Variants in DNAAF10 observed in about 807,000 individuals in gnomAD.
DNAAF10 encodes the protein dynein axonemal assembly factor 10.
In DNAAF10, 28 loss-of-function variants were observed where a neutral mutation model predicts 43.7. The observed-to-expected ratio is 0.64, with a 90% CI of 0.48 to 0.88. The LOEUF (loss-of-function observed/expected upper bound fraction) is 0.88. DNAAF10 is among the 40% of genes least tolerant of loss of function. The pLI is 0.00. For missense variants in DNAAF10, 403 were observed against 439.1 expected, an observed-to-expected ratio of 0.92 and a Z score of 0.73; for synonymous variants, 156 against 157.3, an observed-to-expected ratio of 0.99 and a Z score of 0.06.
chr2:68,131,824 C>T lies in DNAAF10; in HGVS notation c.867-379G>A. 4 of 212,864 alleles carry T rather than the reference C, an allele frequency of 1.9e-5. No homozygotes were observed. In the South Asian group the frequency reaches 2.8e-4, roughly 15 times the overall value. The allele number at this position is 212,864 out of a possible 1,614,324, so 13.2% of individuals were successfully genotyped here. A position where few individuals can be genotyped will look rare whatever the true frequency, so the allele number is the denominator to read the frequency against. ...TCCAGATATAGATTGCTGGATATCA[C>T]AGGCAAACAATGTGCAAAGGCAATG... On this transcript the variant is annotated intron_variant, in intron 7 of 7. Transcript: ENST00000295121.
intron 3 of DNAAF10, among the ~76,000 whole-genome samples, chr2:68,143,159 C>A (rs76804509): frequency 0.04 from 6,124 of 151,658 alleles, 455 homozygotes; most frequent in African/African-American, 0.14. Flanking sequence ...ACTGCACCCA[C>A]CAAAAGCCTG....
intron 2 of DNAAF10, among the ~76,000 whole-genome samples, chr2:68,147,193 C>T (rs563962494): frequency 6.6e-6 from 1 of 152,174 alleles, no homozygotes; most frequent in Non-Finnish European, 1.5e-5. Context: ...TTTACAAATA[C>T]ATGGCATTAA....
intron 1 of DNAAF10, among the ~76,000 whole-genome samples, chr2:68,154,447 C>T (rs903434990): frequency 6.6e-6 from 1 of 151,930 alleles, no homozygotes; most frequent in African/African-American, 2.4e-5. Context: ...GGGGTTTCAC[C>T]GTGTTAGCCA....
chr2:68,150,804 GTTAC>G (rs894168926), intron 1 of DNAAF10, among the ~76,000 whole-genome samples: 1 of 152,056 alleles, frequency 6.6e-6, no homozygotes, highest in Non-Finnish European at 1.5e-5. Context: ...AAACTGTGTG[GTTAC>G]TTGTGATGTA....
chr2:68,134,897 TG>T, intron 6 of DNAAF10, 98 bp from the exon 7 acceptor site: 1 of 1,355,888 alleles, frequency 7.4e-7, no homozygotes. Context: ...ATAATTTCAA[TG>T]GTTATAAAAG....
At chr2:68,138,064 A>G (rs892388186) in intron 5 of DNAAF10, among the ~76,000 whole-genome samples, 3 of 150,388 alleles carry the variant, frequency 2.0e-5, no homozygotes. Flanking sequence ...AGTCCCAGTT[A>G]CTCGGGAGGC....
chr2:68,144,220 T>C (rs545671570), intron 3 of DNAAF10, among the ~76,000 whole-genome samples: 10 of 152,272 alleles, frequency 6.6e-5, no homozygotes, highest in Admixed American at 6.5e-4. Context: ...CAAGTACTAA[T>C]TCTGCCTTTT....
intron 4 of DNAAF10, among the ~76,000 whole-genome samples, chr2:68,140,028 T>C (rs1434091143): frequency 6.6e-6 from 1 of 152,190 alleles, no homozygotes; most frequent in African/African-American, 2.4e-5. Flanking sequence ...CTGAAATAAG[T>C]TGTAGCACAC....
chr2:68,142,694 T>TA (rs1404927452), intron 3 of DNAAF10, among the ~76,000 whole-genome samples: 2 of 151,144 alleles, frequency 1.3e-5, no homozygotes, highest in African/African-American at 4.9e-5. Flanking sequence ...GACTACTTAC[T>TA]AAAATAGTGT....
Position 68,141,897 on chromosome 2 carries a change from CAG to C in DNAAF10, c.416-104_416-103del. ...GCTTCCTGTGTACATGGCAATATGACAGATGTTATGACATCTGAAAATATCCA... is the reference window on the plus strand; with the variant it reads ...GCTTCCTGTGTACATGGCAATATGACATGTTATGACATCTGAAAATATCCA... On this transcript the variant is annotated intron_variant, in intron 3 of 7. Transcript: ENST00000295121. 13 of 932,818 alleles carry C rather than the reference CAG, an allele frequency of 1.4e-5. No individual in the cohort carries two copies. In the South Asian group the frequency reaches 1.9e-4, roughly 14 times the overall value. The allele number at this position is 932,818 out of a possible 1,614,324, so 57.8% of individuals were successfully genotyped here.
intron 1 of DNAAF10, 155 bp downstream of exon 1, chr2:68,157,106 A>G: frequency 9.6e-7 from 1 of 1,047,068 alleles, no homozygotes; most frequent in East Asian, 2.6e-5. Context: ...TTTAAATAGG[A>G]AACATTCCTC....
chr2:68,136,112 G>A (rs1673035028), intron 6 of DNAAF10, among the ~76,000 whole-genome samples: 1 of 151,464 alleles, frequency 6.6e-6, no homozygotes, highest in Non-Finnish European at 1.5e-5. Flanking sequence ...CAGCTACTTG[G>A]GAGGCTGAGG....
intron 7 of DNAAF10, chr2:68,134,108 T>TTTTGG (rs1672980878): frequency 1.0e-6 from 1 of 979,618 alleles, no homozygotes; most frequent in Non-Finnish European, 1.2e-6. Flanking sequence ...AGACCTTTAA[T>TTTTGG]TTTTGTTTTG....
chr2:68,149,075 A>G (rs1673392740), intron 1 of DNAAF10, among the ~76,000 whole-genome samples: 1 of 152,216 alleles, frequency 6.6e-6, no homozygotes, highest in African/African-American at 2.4e-5. Flanking sequence ...GCCTGTTTCA[A>G]ATAATTTTAA....
chr2:68,147,424 A>C lies in DNAAF10; in HGVS notation c.284+43T>G, dbSNP rs1265640221. 1 of 1,400,638 alleles carries C rather than the reference A, an allele frequency of 7.1e-7. No individual in the cohort carries two copies. Among genetic ancestry groups the C allele is most frequent in the African/African-American group, 1.4e-5 (1 of 69,552 alleles). 86.8% of individuals were successfully genotyped at this position (1,400,638 alleles called of 1,614,324 possible). ...AAAGAGTAATGAAACTATCAAATAA[A>C]TTGCCTATCTCATCTGTCTGAATAC... On this transcript the variant is annotated intron_variant, in intron 2 of 7. Coordinates refer to ENST00000295121, the MANE Select transcript of DNAAF10 (RefSeq NM_138458.4).
chr2:68,134,202 C>G, intron 7 of DNAAF10: 1 of 987,032 alleles, frequency 1.0e-6, no homozygotes, highest in Non-Finnish European at 1.2e-6. Context: ...GATGTTAGCG[C>G]CCTTGGGATT....
intron 7 of DNAAF10, chr2:68,134,320 C>A: frequency 9.8e-7 from 1 of 1,023,480 alleles, no homozygotes; most frequent in Non-Finnish European, 1.2e-6. Flanking sequence ...TCAGCAGCCT[C>A]AGGCTCTGTT....
chr2:68,137,259 A>G (rs745614585), intron 6 of DNAAF10, 40 bp downstream of exon 6: 2 of 1,589,514 alleles, frequency 1.3e-6, no homozygotes, highest in Non-Finnish European at 1.7e-6. Flanking sequence ...AAACCAAGCT[A>G]TCATTCTTCT....
chr2:68,136,156 T>C (rs1241153163), intron 6 of DNAAF10, among the ~76,000 whole-genome samples: 2 of 145,202 alleles, frequency 1.4e-5, no homozygotes, highest in African/African-American at 2.6e-5. Context: ...AGTTTGAGAC[T>C]GCAGTGAGCC....
Sources: allele counts gnomAD v4.1 joint callset (sites outside exome capture counted in the v4.1 genomes callset), GRCh38; gene constraint gnomAD v4.1.1; transcripts MANE v1.5; gene names NCBI Gene and HGNC (gene_info 2026-07-23, HGNC 2026-07-21).